The following ACOXL variants were observed in gnomAD, a reference collection of about 807,000 sequenced individuals.
ACOXL encodes the protein acyl-coenzyme A oxidase-like protein.
ACOXL carries 70 observed loss-of-function variants against 71.9 expected under a neutral mutation model. The ratio of observed to expected loss-of-function variants is 0.97; its 90% CI spans 0.80 to 1.19. ACOXL has a LOEUF of 1.19. Ranked by LOEUF, ACOXL falls within the 50% of genes most tolerant of loss-of-function variation. The probability of loss-of-function intolerance (pLI) is 0.00; values close to 1 mark genes in which losing one functional copy is unlikely to be tolerated. For missense variants in ACOXL, 703 were observed against 736.3 expected (o/e 0.95, Z 0.52); for synonymous variants, 253 against 281.6 (o/e 0.90, Z 1.02).
chr2:110,832,495 G>A (rs990370989), intron 9 of ACOXL, among the ~76,000 whole-genome samples: 2 of 144,994 alleles, frequency 1.4e-5, no homozygotes, highest in African/African-American at 5.2e-5. Flanking sequence ...CCGAGATTGC[G>A]CCACTGCAGT....
At chr2:110,962,653 G>A (rs1476754127) in intron 12 of ACOXL, among the ~76,000 whole-genome samples, 2 of 152,240 alleles carry the variant, frequency 1.3e-5, no homozygotes, top group African/African-American at 4.8e-5. Flanking sequence ...TTTCAGAAAT[G>A]AAGCAGGTCC....
chr2:111,040,788 C>A (rs1427020654), intron 15 of ACOXL, among the ~76,000 whole-genome samples: 1 of 152,102 alleles, frequency 6.6e-6, no homozygotes, highest in Non-Finnish European at 1.5e-5. Context: ...GCATGAAGTG[C>A]GTGGATGACT....
chr2:110,963,775 A>G (rs1305380783), intron 12 of ACOXL: 1 of 1,590,986 alleles, frequency 6.3e-7, no homozygotes. Context: ...TGTTTCATAT[A>G]TTTTATCTTT....
intron 1 of ACOXL, among the ~76,000 whole-genome samples, chr2:110,748,834 G>T (rs995985487): frequency 6.6e-6 from 1 of 152,188 alleles, no homozygotes; most frequent in Non-Finnish European, 1.5e-5. Context: ...CTGCTTGGCC[G>T]TGGTTTCACC....
rs773463810 is a variant in ACOXL, at chr2:110,963,735, C to T, written c.1060-23373C>T. ...TCAGGTAAGATTCGGGAAATGTTTT[C>T]AAGATCAAGAGTTATCCAGAAGTCT... On this transcript the variant is annotated intron_variant, in intron 12 of 17. Transcript: ENST00000439055. 5.3e-5 allele frequency: 86 copies of T among 1,613,192 alleles called. No homozygotes were observed. In the South Asian group the frequency reaches 8.3e-4, roughly 16 times the overall value.
intron 11 of ACOXL, among the ~76,000 whole-genome samples, chr2:110,917,398 A>G (rs1262820941): frequency 6.6e-6 from 1 of 152,210 alleles, no homozygotes; most frequent in Non-Finnish European, 1.5e-5. Context: ...TCAGTGGAAC[A>G]TATCTCAAAA....
chr2:110,766,642 C>G (rs1681107443), intron 1 of ACOXL, among the ~76,000 whole-genome samples: 1 of 152,200 alleles, frequency 6.6e-6, no homozygotes, highest in Non-Finnish European at 1.5e-5. Context: ...ACCCTCTCTC[C>G]TACCACCTCC....
chr2:110,803,011 G>A (rs1686184353), intron 8 of ACOXL, among the ~76,000 whole-genome samples: 1 of 151,924 alleles, frequency 6.6e-6, no homozygotes, highest in African/African-American at 2.4e-5. Flanking sequence ...ATTATTATAT[G>A]TCAATTAACA....
intron 11 of ACOXL, among the ~76,000 whole-genome samples, chr2:110,915,796 G>A (rs966081741): frequency 1.3e-5 from 2 of 151,840 alleles, no homozygotes; most frequent in Admixed American, 1.3e-4. Context: ...TTGTGTCTAT[G>A]TTCATATGGA....
chr2:110,835,953 A>G (rs1355101441), intron 9 of ACOXL, among the ~76,000 whole-genome samples: 1 of 152,242 alleles, frequency 6.6e-6, no homozygotes, highest in African/African-American at 2.4e-5. Flanking sequence ...AGGTAACATT[A>G]TCCTCATTTC....
At chr2:111,052,772 C>T (rs1194964640) in intron 16 of ACOXL, among the ~76,000 whole-genome samples, 3 of 152,146 alleles carry the variant, frequency 2.0e-5, no homozygotes, top group South Asian at 2.1e-4. Context: ...CACCTGCACT[C>T]GCCTGTGACT....
At chr2:110,927,219 G>A (rs2060306478) in intron 11 of ACOXL, among the ~76,000 whole-genome samples, 1 of 152,130 alleles carries the variant, frequency 6.6e-6, no homozygotes, top group Non-Finnish European at 1.5e-5. Context: ...CACAAAAACA[G>A]CAAGGGGGAA....
At chr2:110,770,798 C>A (rs1254112886) in intron 2 of ACOXL, among the ~76,000 whole-genome samples, 1 of 152,216 alleles carries the variant, frequency 6.6e-6, no homozygotes, top group Non-Finnish European at 1.5e-5. Flanking sequence ...GCTTCTTGCT[C>A]CCTTAATCAG....
At chr2:111,064,446 C>CAAA (rs1007815116) in intron 16 of ACOXL, among the ~76,000 whole-genome samples, 13 of 138,250 alleles carry the variant, frequency 9.4e-5, no homozygotes, top group African/African-American at 3.2e-4. Context: ...AAAAAAAAAA[C>CAAA]AAAAAAAAAA....
At chr2:111,111,848 T>G (rs2069987679) in intron 17 of ACOXL, among the ~76,000 whole-genome samples, 1 of 152,188 alleles carries the variant, frequency 6.6e-6, no homozygotes, top group Non-Finnish European at 1.5e-5. Flanking sequence ...CCTTCCATCT[T>G]AGAGATAAGG....
intron 16 of ACOXL, among the ~76,000 whole-genome samples, chr2:111,089,040 C>A (rs571285137): frequency 6.6e-6 from 1 of 152,286 alleles, no homozygotes; most frequent in East Asian, 1.9e-4. Context: ...GTGGCTCACG[C>A]CTGTAATCCC....
At chr2:111,093,056 G>A in intron 17 of ACOXL, 90 bp downstream of exon 17, 4 of 1,040,816 alleles carry the variant, frequency 3.8e-6, no homozygotes, top group Non-Finnish European at 5.7e-6. Context: ...TCTTCTATCA[G>A]TTTCCACTCA....
At chr2:110,915,350 A>ATATATATATG (rs1491355100) in intron 11 of ACOXL, among the ~76,000 whole-genome samples, 1 of 113,632 alleles carries the variant, frequency 8.8e-6, no homozygotes, top group Non-Finnish European at 1.8e-5. Context: ...ATATATATAT[A>ATATATATATG]TGTGTGTGTG....
chr2:111,112,288 G>A (rs1336617989), intron 17 of ACOXL, among the ~76,000 whole-genome samples: 1 of 152,200 alleles, frequency 6.6e-6, no homozygotes, highest in Non-Finnish European at 1.5e-5. Context: ...ACCAGGAGAC[G>A]CACCAAGCTA....
Sources: gnomAD v4.1 joint callset for allele counts (sites outside exome capture counted in the v4.1 genomes callset) on GRCh38, gnomAD v4.1.1 for gene constraint, MANE v1.5 for transcripts, NCBI Gene and HGNC (gene_info 2026-07-23, HGNC 2026-07-21) for gene names.